The following ROBO2 variants were observed in gnomAD, a reference collection of about 807,000 sequenced individuals.
ROBO2 encodes roundabout homolog 2.
ROBO2 carries 53 observed loss-of-function variants against 160.8 expected under a neutral mutation model. The ratio of observed to expected loss-of-function variants is 0.33; its 90% CI spans 0.26 to 0.41. The LOEUF is 0.41. Ranked by LOEUF, ROBO2 falls within the 10% of genes least tolerant of loss-of-function variation. The pLI, the probability that ROBO2 is intolerant of heterozygous loss-of-function variation, is 1.00. For missense variants in ROBO2, 1,577 were observed against 1,722.4 expected, an observed-to-expected ratio of 0.92 and a Z score of 1.49; for synonymous variants, 664 against 611.7, an observed-to-expected ratio of 1.09 and a Z score of -1.26.
chr3:76,241,654 C>T (rs1274662213), intron 2 of ROBO2, among the ~76,000 whole-genome samples: 1 of 152,176 alleles, frequency 6.6e-6, no homozygotes, highest in Non-Finnish European at 1.5e-5. Flanking sequence ...ACAAAATGCT[C>T]AAATATATTC....
At chr3:77,338,212 T>TG (rs530822317) in intron 2 of ROBO2, among the ~76,000 whole-genome samples, 137 of 152,276 alleles carry the variant, frequency 9.0e-4, no homozygotes, top group Middle Eastern at 3.4e-3. Context: ...AAAATTTGTT[T>TG]GGAGATAGTA....
intron 2 of ROBO2, among the ~76,000 whole-genome samples, chr3:76,365,326 G>A (rs1013623947): frequency 2.0e-5 from 3 of 152,024 alleles, no homozygotes; most frequent in African/African-American, 4.8e-5. Flanking sequence ...CCTGTTCATA[G>A]TAAACTGTAA....
At chr3:76,997,378 G>A (rs190159211) in intron 2 of ROBO2, among the ~76,000 whole-genome samples, 2 of 152,228 alleles carry the variant, frequency 1.3e-5, no homozygotes, top group East Asian at 1.9e-4. Context: ...TTGAGTGATA[G>A]TGCTTATTGA....
chr3:75,955,505 G>A (rs1346698300), intron 2 of ROBO2, among the ~76,000 whole-genome samples: 3 of 151,260 alleles, frequency 2.0e-5, no homozygotes, highest in Non-Finnish European at 3.0e-5. Flanking sequence ...GGGAGGGGAG[G>A]GATGGCATTA....
chr3:77,640,362 C>T (rs1031053237), intron 24 of ROBO2, among the ~76,000 whole-genome samples: 18 of 152,266 alleles, frequency 1.2e-4, no homozygotes, highest in Admixed American at 5.2e-4. Context: ...ATCCGCCCGC[C>T]TTGGCCTCCC....
At chr3:77,568,274 A>G in intron 12 of ROBO2, 39 bp from the exon 14 acceptor site, 2 of 1,609,820 alleles carry the variant, frequency 1.2e-6, no homozygotes, top group East Asian at 2.2e-5. Context: ...TTTAATATGA[A>G]TTTTTAAAGG....
intron 2 of ROBO2, among the ~76,000 whole-genome samples, chr3:76,179,408 C>A (rs1232078818): frequency 6.6e-6 from 1 of 152,182 alleles, no homozygotes; most frequent in Non-Finnish European, 1.5e-5. Flanking sequence ...CTATAGATGG[C>A]ATCATCATCT....
intron 2 of ROBO2, among the ~76,000 whole-genome samples, chr3:76,580,329 T>G (rs542339648): frequency 0.11 from 6,010 of 57,222 alleles, 357 homozygotes; most frequent in African/African-American, 0.21. Flanking sequence ...TTTTTTTTTG[T>G]TTTTTTTTTT....
rs1160421373 is a variant in ROBO2, at chr3:77,102,094, T to C, written c.388+3754T>C. Among the ~76,000 whole-genome samples, 14 of 152,174 alleles carry C rather than the reference T, an allele frequency of 9.2e-5. No homozygotes were observed. In the East Asian group the frequency reaches 2.1e-3, roughly 23 times the overall value. On this transcript the variant is annotated intron_variant, in intron 2 of 25. Coordinates refer to ENST00000461745, the Ensembl canonical transcript of ROBO2. Reference sequence around the variant, plus strand: ...TGGTTGACACGATGCAAATCCCAAATGATGATCAAATAAACAGTACCTGTG... The same window carrying C: ...TGGTTGACACGATGCAAATCCCAAACGATGATCAAATAAACAGTACCTGTG...
rs536645823 is a variant in ROBO2 at position 77,502,274 on chromosome 3, A to G, written c.806+8892A>G. On this transcript the variant is annotated intron_variant, in intron 5 of 25. Coordinates refer to ENST00000461745, the Ensembl canonical transcript of ROBO2. ...ACAGCCTAGCATATGCTTGCCTAGAAGTAGAATTTTTATCATATAGTCACA... is the reference window on the plus strand; with the variant it reads ...ACAGCCTAGCATATGCTTGCCTAGAGGTAGAATTTTTATCATATAGTCACA... Among the ~76,000 whole-genome samples, 391 of 152,246 alleles carry G rather than the reference A, an allele frequency of 2.6e-3. 4 individuals carry two copies. The highest frequency in any genetic ancestry group is 8.6e-3 in the African/African-American group (356 of 41,560).
At chr3:77,055,023 T>C (rs753799373) in intron 1 of ROBO2, among the ~76,000 whole-genome samples, 1 of 151,762 alleles carries the variant, frequency 6.6e-6, no homozygotes, top group Non-Finnish European at 1.5e-5. Flanking sequence ...CCCTACATGT[T>C]AATTGTGGAA....
At chr3:76,607,866 C>G (rs944408534) in intron 2 of ROBO2, among the ~76,000 whole-genome samples, 5 of 152,194 alleles carry the variant, frequency 3.3e-5, no homozygotes, top group African/African-American at 1.2e-4. Context: ...AATCTATTCT[C>G]TTCTTCCCAC....
intron 2 of ROBO2, among the ~76,000 whole-genome samples, chr3:76,101,021 G>T (rs1167424916): frequency 1.3e-5 from 2 of 151,812 alleles, no homozygotes; most frequent in Non-Finnish European, 2.9e-5. Context: ...AAAGAGTGCT[G>T]TGTATAAAAA....
intron 2 of ROBO2, among the ~76,000 whole-genome samples, chr3:76,413,710 T>C (rs1344548087): frequency 6.6e-6 from 1 of 152,144 alleles, no homozygotes; most frequent in Non-Finnish European, 1.5e-5. Flanking sequence ...GCATTTTGGG[T>C]AAAGCCATTC....
intron 1 of ROBO2, 76 bp from the exon 2 acceptor site, chr3:77,097,938 A>G: frequency 7.8e-7 from 1 of 1,288,092 alleles, no homozygotes; most frequent in East Asian, 2.5e-5. Context: ...TAATTTCCCC[A>G]TCAGGAACCC....
At chr3:76,141,157 CTCTATA>C (rs1184657118) in intron 2 of ROBO2, among the ~76,000 whole-genome samples, 109 of 17,934 alleles carry the variant, frequency 6.1e-3, no homozygotes, top group Admixed American at 0.015. Context: ...CTCTCTCTCT[CTCTATA>C]TATATATATA....
chr3:77,515,297 T>C (rs2089892306), intron 5 of ROBO2, among the ~76,000 whole-genome samples: 1 of 151,684 alleles, frequency 6.6e-6, no homozygotes, highest in African/African-American at 2.4e-5. Flanking sequence ...GGAACAGTAG[T>C]GTCTGCATGG....
At chr3:76,906,560 G>T (rs2075618487) in intron 2 of ROBO2, among the ~76,000 whole-genome samples, 1 of 151,680 alleles carries the variant, frequency 6.6e-6, no homozygotes, top group African/African-American at 2.4e-5. Flanking sequence ...ATATATAATT[G>T]CTAATTCATT....
chr3:77,041,259 C>T (rs947190077), intron 1 of ROBO2, among the ~76,000 whole-genome samples: 2 of 152,316 alleles, frequency 1.3e-5, no homozygotes, highest in African/African-American at 4.8e-5. Context: ...GTAATAGACA[C>T]TCTAAGGAAG....
Sources: gnomAD v4.1 joint callset for allele counts (sites outside exome capture counted in the v4.1 genomes callset) on GRCh38, gnomAD v4.1.1 for gene constraint, MANE v1.5 for transcripts, NCBI Gene and HGNC (gene_info 2026-07-23, HGNC 2026-07-21) for gene names.